The following PELI2 variants were observed in gnomAD, a reference collection of about 807,000 sequenced individuals.
PELI2 encodes E3 ubiquitin-protein ligase pellino homolog 2.
PELI2 carries 23 observed loss-of-function variants against 42.3 expected under a neutral mutation model. The ratio of observed to expected loss-of-function variants is 0.54; its 90% CI spans 0.39 to 0.77. The LOEUF is 0.77. Among genes scored for constraint, PELI2 ranks in the 30% least tolerant of loss-of-function variants. The pLI is 0.00. For missense variants in PELI2, 463 were observed against 553.2 expected (o/e 0.84, Z 1.64); for synonymous variants, 245 against 212.2 (o/e 1.15, Z -1.34).
chr14:56,229,150 A>G (rs745741015), intron 2 of PELI2, among the ~76,000 whole-genome samples: 1 of 152,118 alleles, frequency 6.6e-6, no homozygotes, highest in Non-Finnish European at 1.5e-5. Flanking sequence ...GTCTCTGTAG[A>G]CTCCACCTGT....
chr14:56,264,312 G>T (rs1594696603), intron 2 of PELI2, among the ~76,000 whole-genome samples: 1 of 152,260 alleles, frequency 6.6e-6, no homozygotes, highest in African/African-American at 2.4e-5. Flanking sequence ...ATTCCTAGGT[G>T]CAAGAACACT....
At chr14:56,179,924 A>C (rs973821332) in intron 2 of PELI2, among the ~76,000 whole-genome samples, 21 of 152,196 alleles carry the variant, frequency 1.4e-4, no homozygotes, top group Non-Finnish European at 3.1e-4. Flanking sequence ...ATTTTAAAAA[A>C]TGTATAGAAA....
At chr14:56,157,426 T>C (rs546470745) in intron 1 of PELI2, among the ~76,000 whole-genome samples, 35 of 152,328 alleles carry the variant, frequency 2.3e-4, no homozygotes, top group Admixed American at 1.9e-3. Context: ...AAAAGTCTTA[T>C]GAAGGGGATG....
chr14:56,230,866 C>T (rs1416406301), intron 2 of PELI2, among the ~76,000 whole-genome samples: 2 of 152,272 alleles, frequency 1.3e-5, no homozygotes, highest in African/African-American at 4.8e-5. Flanking sequence ...ATCTCACGTG[C>T]AGAGACACAC....
intron 2 of PELI2, among the ~76,000 whole-genome samples, chr14:56,266,435 C>T (rs1888906887): frequency 6.6e-6 from 1 of 151,860 alleles, no homozygotes; most frequent in African/African-American, 2.4e-5. Flanking sequence ...AAATATTGAG[C>T]AAAGGGTATA....
chr14:56,163,696 C>T (rs750799935), intron 1 of PELI2, among the ~76,000 whole-genome samples: 2 of 151,944 alleles, frequency 1.3e-5, no homozygotes, highest in African/African-American at 2.4e-5. Context: ...TTTATTTTTC[C>T]AATCCATGAA....
chr14:56,265,754 G>T (rs894041691), intron 2 of PELI2, among the ~76,000 whole-genome samples: 2 of 151,956 alleles, frequency 1.3e-5, no homozygotes, highest in African/African-American at 4.8e-5. Context: ...ACAACAGTAA[G>T]AAAATTCAAT....
intron 2 of PELI2, among the ~76,000 whole-genome samples, chr14:56,202,859 T>C (rs893718659): frequency 1.3e-5 from 2 of 152,172 alleles, no homozygotes; most frequent in East Asian, 1.9e-4. Flanking sequence ...CCTGTCCTGG[T>C]CTATTCAAAA....
intron 2 of PELI2, among the ~76,000 whole-genome samples, chr14:56,249,861 C>T (rs1353591729): frequency 6.6e-6 from 1 of 152,198 alleles, no homozygotes; most frequent in African/African-American, 2.4e-5. Flanking sequence ...ACATGCCTAG[C>T]ATGCGTCATG....
chr14:56,175,068 T>A (rs1016409411), intron 1 of PELI2, among the ~76,000 whole-genome samples: 5 of 152,178 alleles, frequency 3.3e-5, no homozygotes, highest in African/African-American at 1.2e-4. Flanking sequence ...TGATCTTGGC[T>A]CACTGTAGTC....
chr14:56,186,766 A>G (rs1287619247), intron 2 of PELI2, among the ~76,000 whole-genome samples: 8 of 152,206 alleles, frequency 5.3e-5, no homozygotes, highest in Non-Finnish European at 1.0e-4. Flanking sequence ...AGTAATTACA[A>G]TTTTGACTTG....
At chr14:56,169,296 G>C (rs1594605093) in intron 1 of PELI2, among the ~76,000 whole-genome samples, 2 of 152,122 alleles carry the variant, frequency 1.3e-5, no homozygotes, top group Non-Finnish European at 2.9e-5. Flanking sequence ...TTCTGGCCTC[G>C]ACTGCCCTCC....
At chr14:56,243,465 G>A (rs990318765) in intron 2 of PELI2, among the ~76,000 whole-genome samples, 9 of 152,104 alleles carry the variant, frequency 5.9e-5, no homozygotes, top group Non-Finnish European at 1.2e-4. Flanking sequence ...TGTGATCTTG[G>A]GCAAGTGAAG....
intron 2 of PELI2, among the ~76,000 whole-genome samples, chr14:56,229,945 T>A (rs1887498454): frequency 6.6e-6 from 1 of 152,128 alleles, no homozygotes; most frequent in South Asian, 2.1e-4. Flanking sequence ...GAGAACTGCG[T>A]GATGCATGCA....
intron 2 of PELI2, among the ~76,000 whole-genome samples, chr14:56,239,995 C>T (rs1887918810): frequency 6.6e-6 from 1 of 152,172 alleles, no homozygotes; most frequent in African/African-American, 2.4e-5. Flanking sequence ...AACTCAGCCT[C>T]CCCTTCTGGT....
At chr14:56,285,252 G>A (rs1889607845) in intron 3 of PELI2, among the ~76,000 whole-genome samples, 1 of 152,184 alleles carries the variant, frequency 6.6e-6, no homozygotes, top group Admixed American at 6.5e-5. Flanking sequence ...TGGAGGTACA[G>A]CTGACAGTGT....
chr14:56,266,238 C>T (rs190500227), intron 2 of PELI2, among the ~76,000 whole-genome samples: 19 of 151,976 alleles, frequency 1.3e-4, no homozygotes, highest in African/African-American at 4.6e-4. Context: ...ATCCAAAAAT[C>T]ATAAAGCAAA....
chr14:56,272,389 C>G (rs989241115), intron 2 of PELI2, among the ~76,000 whole-genome samples: 13 of 152,170 alleles, frequency 8.5e-5, no homozygotes, highest in African/African-American at 3.1e-4. Context: ...ACCGCATTCC[C>G]TTAAATGAGG....
chr14:56,239,745 A>G (rs1232415522), intron 2 of PELI2, among the ~76,000 whole-genome samples: 1 of 152,126 alleles, frequency 6.6e-6, no homozygotes, highest in Non-Finnish European at 1.5e-5. Context: ...CCCTCAAAGC[A>G]CTGGTGATTT....
Sources: gnomAD v4.1 joint callset for allele counts (sites outside exome capture counted in the v4.1 genomes callset) on GRCh38, gnomAD v4.1.1 for gene constraint, MANE v1.5 for transcripts, NCBI Gene and HGNC (gene_info 2026-07-23, HGNC 2026-07-21) for gene names.